Variants in OTOG observed in about 807,000 individuals in gnomAD.
OTOG encodes otogelin.
Under a neutral mutation model 313.8 loss-of-function variants are expected in OTOG, and 296 were observed. The observed-to-expected ratio is 0.94, with a 90% CI of 0.86 to 1.04. OTOG has a LOEUF of 1.04. OTOG is among the 50% of genes least tolerant of loss of function. The pLI is 0.00. For missense variants in OTOG, 3,948 were observed against 3,840.1 expected (o/e 1.03, Z -0.74); for synonymous variants, 1,533 against 1,554.9 (o/e 0.99, Z 0.33).
intron 23 of OTOG, among the ~76,000 whole-genome samples, chr11:17,583,901 G>C (rs977290271): frequency 1.3e-5 from 2 of 152,076 alleles, no homozygotes; most frequent in African/African-American, 2.4e-5. Flanking sequence ...TCAATTTGGG[G>C]AGAATTGGCA....
chr11:17,551,908 G>A lies in OTOG; in HGVS notation c.217-92G>A, dbSNP rs1851942574. The A allele has an allele frequency of 4.3e-6, 5 of 1,152,356 alleles. No homozygotes were observed. In the Middle Eastern group the frequency reaches 9.7e-4, roughly 223 times the overall value. The allele number at this position is 1,152,356 out of a possible 1,614,324, so 71.4% of individuals were successfully genotyped here. A position where few individuals can be genotyped will look rare whatever the true frequency, so the allele number is the denominator to read the frequency against. The stretch of plus-strand genomic sequence containing the variant: ...GCAGGGGCTCCTCCCTCTGGGAGAT[G>A]AACAAAGAGGGCTGTGGCCACCAGG... On this transcript the variant is annotated intron_variant, in intron 3 of 55. Transcript: ENST00000399397.
chr11:17,638,811 A>G, intron 48 of OTOG: 1 of 1,457,686 alleles, frequency 6.9e-7, no homozygotes, highest in Non-Finnish European at 9.2e-7. Flanking sequence ...AAAAGTCCTT[A>G]CTGCGGCCGG....
intron 23 of OTOG, among the ~76,000 whole-genome samples, chr11:17,579,444 A>G (rs955190954): frequency 2.0e-5 from 3 of 152,050 alleles, no homozygotes; most frequent in African/African-American, 7.3e-5. Context: ...AGGCCAGGGG[A>G]AGGGTGGAGG....
At chr11:17,560,908 G>A (rs963539388) in intron 13 of OTOG, 91 bp downstream of exon 13, 88 of 1,251,804 alleles carry the variant, frequency 7.0e-5, no homozygotes, top group Admixed American at 1.6e-4. Context: ...AATGGCTGGC[G>A]TCGGGGCACT....
At chr11:17,570,184 C>A in intron 16 of OTOG, 29 bp from the exon 17 acceptor site, 1 of 1,543,664 alleles carries the variant, frequency 6.5e-7, no homozygotes, top group South Asian at 1.2e-5. Flanking sequence ...GCTGCCCTCC[C>A]ACTCTCTCCT....
Position 17,558,570 on chromosome 11 carries a change from GC to G in OTOG, c.1035del (p.Phe346LeufsTer28), listed in dbSNP as rs887476134. On this transcript the variant is annotated frameshift_variant, in exon 10 of 56. Transcript: ENST00000399397. LOFTEE classifies it high-confidence loss of function. ...ACGAGCAGTGTGAGGCTCTACTGCGGCCCCCCTTTGACGCCTGCCACGCCTA... is the reference window on the plus strand; with the variant it reads ...ACGAGCAGTGTGAGGCTCTACTGCGGCCCCCTTTGACGCCTGCCACGCCTA... ...VYEQCEALLR[P>X]PFDACHAYVS... 2 of 1,550,328 alleles carry G rather than the reference GC, an allele frequency of 1.3e-6. No individual in the cohort carries two copies. Among genetic ancestry groups the G allele is most frequent in the African/African-American group, 1.4e-5 (1 of 73,042 alleles).
chr11:17,603,820 G>A (rs1256440241), intron 32 of OTOG, among the ~76,000 whole-genome samples: 1 of 152,150 alleles, frequency 6.6e-6, no homozygotes, highest in Non-Finnish European at 1.5e-5. Context: ...CAGGCTTCCC[G>A]CTCTGGGGAG....
chr11:17,601,515 C>A (rs1448919671), intron 31 of OTOG, among the ~76,000 whole-genome samples: 2 of 151,672 alleles, frequency 1.3e-5, no homozygotes, highest in African/African-American at 2.4e-5. Context: ...GGGCTGAGGG[C>A]TGAAGGGCTT....
chr11:17,636,252 A>G (rs1205259023), intron 47 of OTOG, among the ~76,000 whole-genome samples: 1 of 152,230 alleles, frequency 6.6e-6, no homozygotes, highest in Admixed American at 6.5e-5. Context: ...TGTGCATATC[A>G]TGTACTGTGT....
Position 17,576,853 on chromosome 11 carries a change from C to G in OTOG, c.2562-15C>G, listed in dbSNP as rs1035656794. 3.9e-6 allele frequency: 6 copies of G among 1,550,132 alleles called. No homozygotes were observed. In the Admixed American group the frequency reaches 7.9e-5, roughly 20 times the overall value. On this transcript the variant is annotated splice_polypyrimidine_tract_variant and intron_variant, in intron 21 of 55. Coordinates refer to ENST00000399397, the MANE Select transcript of OTOG (RefSeq NM_001292063.2). ...GACTGGGTCGGCTAACCCCAGGGCC[C>G]GTCTCTCTCTGCAGCCACTGCAAAG...
rs536167530 is a variant in OTOG, at chr11:17,610,712, C to A, written c.5412C>A (p.Pro1804=). 1 of 1,550,302 alleles carries A rather than the reference C, an allele frequency of 6.5e-7. No homozygotes were observed. The highest frequency in any genetic ancestry group is 2.0e-5 in the Admixed American group (1 of 51,012). ...RPSQLLSGLP[P]DTSLPLAKVG... ...CCCAGCTCCTCTCTGGCCTGCCTCC[C>A]GACACCAGCCTGCCCCTGGCCAAGG... The change falls in exon 36 of 56, where the codon CCC becomes CCA. Residue 1804 remains proline, a synonymous_variant. Transcript: ENST00000399397.
At position 17,626,877 on chromosome 11, in the gene OTOG, C is replaced by G. The variant is rs143578820; in HGVS notation, c.6529-2256C>G. Among the ~76,000 whole-genome samples, 95 of 152,168 alleles carry G rather than the reference C, an allele frequency of 6.2e-4. 1 individual carries two copies. In the East Asian group the frequency reaches 0.017, roughly 28 times the overall value. ...TTAGATAATTTAATTTTACTTGTGG[C>G]TATTGTAAATGGGATTACTTTTTAA... On this transcript the variant is annotated intron_variant, in intron 39 of 55. Transcript: ENST00000399397.
intron 15 of OTOG, among the ~76,000 whole-genome samples, chr11:17,566,223 C>G (rs1275939191): frequency 6.6e-6 from 1 of 152,108 alleles, no homozygotes; most frequent in Non-Finnish European, 1.5e-5. Flanking sequence ...TATGCTCATC[C>G]TCCTGTGTAC....
At chr11:17,552,097 G>T (rs1429791350) in intron 4 of OTOG, 22 bp downstream of exon 4, 25 of 1,549,116 alleles carry the variant, frequency 1.6e-5, no homozygotes, top group Non-Finnish European at 8.7e-6. Context: ...CTTCACTGTG[G>T]TCCATGGGTT....
rs775063106 is a variant in OTOG, at chr11:17,573,120, T to C, written c.2123T>C (p.Met708Thr). 3.2e-6 allele frequency: 5 copies of C among 1,547,858 alleles called. 1 individual carries two copies. The highest frequency in any genetic ancestry group is 2.4e-5 in the South Asian group (2 of 84,052). Reference protein sequence around the residue: ...VQACSVLTGEMFAPCSAFLSP... With the variant: ...VQACSVLTGETFAPCSAFLSP... Reference sequence around the variant, plus strand: ...GCCTGCAGCGTGCTCACGGGGGAGATGTTTGCGCCCTGCTCTGCGTTCCTG... The same window carrying C: ...GCCTGCAGCGTGCTCACGGGGGAGACGTTTGCGCCCTGCTCTGCGTTCCTG... The change falls in exon 19 of 56, where the codon ATG (methionine) becomes ACG (threonine). Residue 708 changes from methionine (M) to threonine (T), a missense_variant. Met to Thr is a moderately conservative substitution (Grantham distance 81). Coordinates refer to ENST00000399397, the MANE Select transcript of OTOG (RefSeq NM_001292063.2).
At chr11:17,615,859 C>T (rs879665647) in intron 39 of OTOG, among the ~76,000 whole-genome samples, 7 of 152,036 alleles carry the variant, frequency 4.6e-5, no homozygotes, top group Non-Finnish European at 8.8e-5. Flanking sequence ...ACCTGGGAGG[C>T]GGAGGTTGCG....
chr11:17,562,046 A>AAAAT (rs1440986349), intron 15 of OTOG, among the ~76,000 whole-genome samples: 1,582 of 139,700 alleles, frequency 0.011, 28 homozygotes, highest in Admixed American at 0.041. Flanking sequence ...CTAAAAAAAA[A>AAAAT]ATATATATAT....
At chr11:17,639,029 G>A in intron 48 of OTOG, 1 of 324,366 alleles carries the variant, frequency 3.1e-6, no homozygotes, top group African/African-American at 2.1e-5. Flanking sequence ...CTCCAGCCTG[G>A]GCGACAGAGT....
Position 17,640,631 on chromosome 11 carries a change from C to T in OTOG, c.7936-114C>T, listed in dbSNP as rs202143724. ...GAGGGGCCCCAGGCCTGCCAGCCCC[C>T]CTCCTGCCCACCACAGGGAGGGACT... On this transcript the variant is annotated intron_variant, in intron 49 of 55. Coordinates refer to ENST00000399397, the MANE Select transcript of OTOG (RefSeq NM_001292063.2). The T allele has an allele frequency of 2.7e-5, 31 of 1,152,496 alleles. No homozygotes were observed. The East Asian group carries it at 4.6e-4, about 17-fold the overall frequency. 71.4% of individuals were successfully genotyped at this position (1,152,496 alleles called of 1,614,324 possible).
Sources: allele counts gnomAD v4.1 joint callset (sites outside exome capture counted in the v4.1 genomes callset), GRCh38; gene constraint gnomAD v4.1.1; transcripts MANE v1.5; gene names NCBI Gene and HGNC (gene_info 2026-07-23, HGNC 2026-07-21).